ADGRB1: variants seen among roughly 807,000 people sequenced by gnomAD.
The protein encoded by ADGRB1 is brain-specific angiogenesis inhibitor 1.
In ADGRB1, 36 loss-of-function variants were observed where a neutral mutation model predicts 175.7. That is an observed-to-expected ratio of 0.20 (90% confidence interval 0.16 to 0.27). The LOEUF is 0.27. ADGRB1 is among the 10% of genes least tolerant of loss of function. The pLI, the probability that ADGRB1 is intolerant of heterozygous loss-of-function variation, is 1.00. For missense variants in ADGRB1, 1,731 were observed against 2,255.3 expected, an observed-to-expected ratio of 0.77 and a Z score of 4.71; for synonymous variants, 1,054 against 979.4, an observed-to-expected ratio of 1.08 and a Z score of -1.42.
Position 142,449,755 on chromosome 8 carries a change from G to T in ADGRB1, c.-569G>T. The T allele has an allele frequency of 6.8e-6, 1 of 146,972 alleles. No homozygotes were observed. The allele number at this position is 146,972 out of a possible 1,614,324, so 9.1% of individuals were successfully genotyped here. A position where few individuals can be genotyped will look rare whatever the true frequency, so the allele number is the denominator to read the frequency against. ...CGCGGCGTTGGCGGCGGCCCCGGCG[G>T]AGCGAGCGCGGAGCCGGAGAGCCGG... On this transcript the variant is annotated 5_prime_UTR_variant, in exon 1 of 31. Coordinates refer to ENST00000517894, the MANE Select transcript of ADGRB1 (RefSeq NM_001702.3).
At chr8:142,526,503 G>GGGCC in intron 23 of ADGRB1, 39 bp from the exon 24 acceptor site, 1 of 1,259,270 alleles carries the variant, frequency 7.9e-7, no homozygotes, top group Non-Finnish European at 1.1e-6. Context: ...GCCTACGGCG[G>GGGCC]CCCCCACCCC....
At chr8:142,486,485 G>A (rs543410721) in intron 13 of ADGRB1, among the ~76,000 whole-genome samples, 1 of 152,302 alleles carries the variant, frequency 6.6e-6, no homozygotes, top group Admixed American at 6.5e-5. Context: ...CAAGGTGCTT[G>A]GCACTCCCGA....
Position 142,544,310 on chromosome 8 carries a change from C to G in ADGRB1, c.4648C>G (p.Pro1550Ala). 1 of 1,548,998 alleles carries G rather than the reference C, an allele frequency of 6.5e-7. No homozygotes were observed. The highest frequency in any genetic ancestry group is 1.4e-5 in the African/African-American group (1 of 73,096). Residue 1550 changes from proline to alanine, a missense_variant, in exon 31 of 31, where the codon CCG (proline) becomes GCG (alanine). This residue lies in a region of ADGRB1 where 394 missense variants were observed against 410.2 expected (regional missense o/e 0.96). Transcript: ENST00000517894. Reference sequence around the variant, plus strand: ...CACGTGGGTGAAGAAGGAGCTGGAGCCGCTGCAGCCGTCGCCGCTGGAGCT... The same window carrying G: ...CACGTGGGTGAAGAAGGAGCTGGAGGCGCTGCAGCCGTCGCCGCTGGAGCT... ...TPTWVKKELE[P>A]LQPSPLELRS...
intron 1 of ADGRB1, among the ~76,000 whole-genome samples, chr8:142,450,621 A>AT (rs1839290016): frequency 6.6e-6 from 1 of 150,978 alleles, no homozygotes; most frequent in South Asian, 2.1e-4. Flanking sequence ...CCCTACAGAC[A>AT]TTGTAAGGGC....
chr8:142,495,733 G>GC (rs1401755150), intron 17 of ADGRB1, among the ~76,000 whole-genome samples: 17 of 151,714 alleles, frequency 1.1e-4, no homozygotes, highest in African/African-American at 3.2e-4. Flanking sequence ...ATGGATCTGT[G>GC]CCCCCCCGCC....
Position 142,542,425 on chromosome 8 carries a change from G to GC in ADGRB1, c.4197dup (p.Ser1400GlnfsTer84). 1 of 1,041,600 alleles carries GC rather than the reference G, an allele frequency of 9.6e-7. No homozygotes were observed. Among genetic ancestry groups the GC allele is most frequent in the East Asian group, 5.4e-5 (1 of 18,640 alleles). 64.5% of individuals were successfully genotyped at this position (1,041,600 alleles called of 1,614,324 possible). On this transcript the variant is annotated frameshift_variant, in exon 28 of 31. Coordinates refer to ENST00000517894, the MANE Select transcript of ADGRB1 (RefSeq NM_001702.3). LOFTEE classifies it high-confidence loss of function. This position sits in a 1 kb window ranked among gnomAD's most constrained non-coding sequence, Gnocchi z 6.3. ...CCGCCCGCAGCCCGCCCTCCCGCCA[G>GC]CCCCCCAGCGGCGGGCCCCCCGAGG...
intron 19 of ADGRB1, among the ~76,000 whole-genome samples, chr8:142,520,260 TGGTGATG>T: frequency 7.5e-6 from 1 of 133,122 alleles, no homozygotes; most frequent in East Asian, 2.2e-4. Context: ...GTGGTGATGA[TGGTGATG>T]GTGATGGTGG....
chr8:142,481,723 G>T lies in ADGRB1; in HGVS notation c.2130+12G>T. 1 of 1,535,464 alleles carries T rather than the reference G, an allele frequency of 6.5e-7. No individual in the cohort carries two copies. The highest frequency in any genetic ancestry group is 1.3e-5 in the South Asian group (1 of 79,890). ...CTGGGGACGTACAGGTGGGCTCCCC[G>T]AGCGGCATTTTGGAAGAGGGTGTCG... On this transcript the variant is annotated intron_variant, in intron 11 of 30. Coordinates refer to ENST00000517894, the MANE Select transcript of ADGRB1 (RefSeq NM_001702.3).
At chr8:142,478,646 T>C (rs1587296182) in intron 7 of ADGRB1, among the ~76,000 whole-genome samples, 2 of 90,866 alleles carry the variant, frequency 2.2e-5, no homozygotes, top group Non-Finnish European at 4.4e-5. Flanking sequence ...GGGGTGTCCA[T>C]GGGGAAGTGG....
intron 18 of ADGRB1, among the ~76,000 whole-genome samples, chr8:142,517,800 C>T (rs2132092611): frequency 6.6e-6 from 1 of 152,260 alleles, no homozygotes; most frequent in East Asian, 1.9e-4. Context: ...TCCCTGGCCC[C>T]GTCTGCAGTG....
intron 11 of ADGRB1, among the ~76,000 whole-genome samples, chr8:142,483,627 C>T (rs575169552): frequency 1.7e-4 from 25 of 151,470 alleles, no homozygotes; most frequent in Non-Finnish European, 2.4e-4. Flanking sequence ...ATCCTGGTCA[C>T]ACACTGAGCC....
At chr8:142,490,951 G>C (rs895570937) in intron 17 of ADGRB1, 136 bp downstream of exon 17, 2 of 1,181,804 alleles carry the variant, frequency 1.7e-6, no homozygotes, top group African/African-American at 3.0e-5. Flanking sequence ...ATGGGCCTCC[G>C]TGTCACCACC....
intron 11 of ADGRB1, among the ~76,000 whole-genome samples, chr8:142,482,105 T>C (rs941777158): frequency 6.0e-5 from 9 of 150,146 alleles, no homozygotes; most frequent in Non-Finnish European, 1.2e-4. Flanking sequence ...GTCCTGATCC[T>C]GGTCACACTC....
chr8:142,466,123 G>A (rs1563681468), intron 2 of ADGRB1, among the ~76,000 whole-genome samples: 2 of 152,158 alleles, frequency 1.3e-5, no homozygotes, highest in Non-Finnish European at 2.9e-5. Context: ...TGGGGGATTG[G>A]AGGGGTTTGA....
chr8:142,489,040 G>A lies in ADGRB1; in HGVS notation c.2458G>A (p.Asp820Asn), dbSNP rs368988728. The change falls in exon 15 of 31, where the codon GAT (aspartate) becomes AAT (asparagine). Residue 820 changes from aspartate to asparagine, a missense_variant. By Grantham distance (23) the Asp-to-Asn change is conservative. Coordinates refer to ENST00000517894, the MANE Select transcript of ADGRB1 (RefSeq NM_001702.3). ...SVFSTGLTEA[D>N]EASVFVVGTV... ...GACAGTGCACTTTCTTCCAGAGGCCGATGAAGCATCCGTGTTTGTGGTGGG... is the reference window on the plus strand; with the variant it reads ...GACAGTGCACTTTCTTCCAGAGGCCAATGAAGCATCCGTGTTTGTGGTGGG... 62 of 1,611,564 alleles carry A rather than the reference G, an allele frequency of 3.8e-5. No individual in the cohort carries two copies. The highest frequency in any genetic ancestry group is 3.3e-4 in the Middle Eastern group (2 of 6,080).
intron 24 of ADGRB1, 82 bp from the exon 25 acceptor site, chr8:142,533,213 A>T (rs1323998933): frequency 1.5e-6 from 2 of 1,362,086 alleles, no homozygotes; most frequent in Non-Finnish European, 1.9e-6. Flanking sequence ...GTCCCCACCG[A>T]GGCCTGGAGA....
chr8:142,474,915 GGT>G lies in ADGRB1; in HGVS notation c.785-555_785-554del, dbSNP rs1395328791. Among the ~76,000 whole-genome samples, 10 of 152,160 alleles carry G rather than the reference GGT, an allele frequency of 6.6e-5. No homozygotes were observed. Among genetic ancestry groups the G allele is most frequent in the Admixed American group, 5.9e-4 (9 of 15,284 alleles). On this transcript the variant is annotated intron_variant, in intron 2 of 30. Coordinates refer to ENST00000517894, the MANE Select transcript of ADGRB1 (RefSeq NM_001702.3). The surrounding 1 kb of genome is among the most constrained non-coding windows in gnomAD (Gnocchi z 5.8). ...GGTTCGAGGCCCTGGTTGGACACCAGGTGTGAGGCCTTGATCACCACTGGTAT... is the reference window on the plus strand; with the variant it reads ...GGTTCGAGGCCCTGGTTGGACACCAGGTGAGGCCTTGATCACCACTGGTAT...
Position 142,478,660 on chromosome 8 carries a change from G to T in ADGRB1, c.1561+300G>T, listed in dbSNP as rs577612008. Among the ~76,000 whole-genome samples the T allele has an allele frequency of 2.0e-5, 3 of 150,868 alleles. No homozygotes were observed. The South Asian group carries it at 6.3e-4, about 32-fold the overall frequency. On this transcript the variant is annotated intron_variant, in intron 7 of 30. Coordinates refer to ENST00000517894, the MANE Select transcript of ADGRB1 (RefSeq NM_001702.3). ...TGGGGTGTCCATGGGGAAGTGGAGG[G>T]TGGGGTGGCTGTGGGGTAGCAGGGT...
In ADGRB1 at chr8:142,489,337, A is replaced by T; in HGVS notation, c.2530A>T (p.Asn844Tyr). ...CACCTGTGCCTCTGGCTCTTGCAGG[A>T]ACACGACCGTCCTGAATTCTAAGGT... ...NLGSFLALQR[N>Y]TTVLNSKVIS... The change falls in exon 16 of 31, where the codon AAC (asparagine) becomes TAC (tyrosine). Residue 844 changes from asparagine (N) to tyrosine (Y), a missense_variant and splice_region_variant. By Grantham distance (143) the Asn-to-Tyr change is moderately radical. Coordinates refer to ENST00000517894, the MANE Select transcript of ADGRB1 (RefSeq NM_001702.3). 6.2e-7 allele frequency: 1 copy of T among 1,612,802 alleles called. No individual in the cohort carries two copies.
Sources: allele counts gnomAD v4.1 joint callset (sites outside exome capture counted in the v4.1 genomes callset), GRCh38; gene constraint gnomAD v4.1.1; regional missense constraint gnomAD v4.1.1; non-coding constraint Gnocchi (gnomAD v3.1); transcripts MANE v1.5; gene names NCBI Gene and HGNC (gene_info 2026-07-23, HGNC 2026-07-21).